The following PCDHA3 variants were observed in gnomAD, a reference collection of about 807,000 sequenced individuals.
PCDHA3 encodes protocadherin alpha 3.
PCDHA3 carries 41 observed loss-of-function variants against 62.2 expected under a neutral mutation model. That is an observed-to-expected ratio of 0.66 (90% confidence interval 0.51 to 0.86). PCDHA3 has a LOEUF of 0.86. PCDHA3 is among the 40% of genes least tolerant of loss of function. PCDHA3 has a pLI of 0.00. For missense variants in PCDHA3, 1,304 were observed against 1,241.2 expected, an observed-to-expected ratio of 1.05 and a Z score of -0.76; for synonymous variants, 640 against 555.4, an observed-to-expected ratio of 1.15 and a Z score of -2.14.
At chr5:140,841,732 C>A (rs1554138500) in intron 1 of PCDHA3, 4 of 1,613,740 alleles carry the variant, frequency 2.5e-6, no homozygotes, top group Non-Finnish European at 2.5e-6. Flanking sequence ...GGGTAAAAGA[C>A]CAAAAGCTGT....
chr5:140,933,999 C>T (rs1399268046), intron 1 of PCDHA3, among the ~76,000 whole-genome samples: 2 of 152,050 alleles, frequency 1.3e-5, no homozygotes, highest in South Asian at 2.1e-4. Context: ...TGTCACCTCT[C>T]ATTTTTCTTG....
At chr5:140,823,460 C>A in intron 1 of PCDHA3, 1 of 1,613,408 alleles carries the variant, frequency 6.2e-7, no homozygotes, top group Non-Finnish European at 8.5e-7. Context: ...GACAACGCGC[C>A]GGCGCTGCTG....
chr5:140,819,310 T>C (rs1766532133), intron 1 of PCDHA3, among the ~76,000 whole-genome samples: 1 of 152,190 alleles, frequency 6.6e-6, no homozygotes, highest in African/African-American at 2.4e-5. Flanking sequence ...AATTTTATTC[T>C]GGGTTTTGTA....
At chr5:140,899,983 T>C (rs1313036603) in intron 1 of PCDHA3, among the ~76,000 whole-genome samples, 5 of 151,754 alleles carry the variant, frequency 3.3e-5, no homozygotes, top group Non-Finnish European at 7.4e-5. Flanking sequence ...ACTTTTTTGA[T>C]TTTTTTTGTA....
intron 1 of PCDHA3, chr5:140,807,913 T>G (rs544486989): frequency 6.2e-7 from 1 of 1,614,158 alleles, no homozygotes; most frequent in East Asian, 2.2e-5. Context: ...CCCCAGCTTT[T>G]GACAGAACCA....
At position 141,011,371 on chromosome 5, in the gene PCDHA3, G is replaced by A. The variant is rs782444449; in HGVS notation, c.*1434G>A. 6.5e-6 allele frequency: 1 copy of A among 153,724 alleles called. No homozygotes were observed. The highest frequency in any genetic ancestry group is 1.5e-5 in the Non-Finnish European group (1 of 68,022). 9.5% of individuals were successfully genotyped at this position (153,724 alleles called of 1,614,324 possible). On this transcript the variant is annotated 3_prime_UTR_variant, in exon 4 of 4. Transcript: ENST00000522353. ...CTCCCATATGTATGCTGTATGCTAT[G>A]CTAAGACTCCTGAAATATACTTACT...
At chr5:140,871,122 G>A (rs782184692) in intron 1 of PCDHA3, 2 of 1,613,344 alleles carry the variant, frequency 1.2e-6, no homozygotes, top group South Asian at 2.2e-5. Flanking sequence ...AGAGCGGACA[G>A]GCGCCAAAGG....
chr5:140,826,226 T>G (rs1768854046), intron 1 of PCDHA3, among the ~76,000 whole-genome samples: 1 of 152,244 alleles, frequency 6.6e-6, no homozygotes, highest in Admixed American at 6.5e-5. Context: ...AGTTTTGTGA[T>G]ATAAACTATT....
chr5:140,961,760 A>G (rs1563318527), intron 1 of PCDHA3, among the ~76,000 whole-genome samples: 3 of 152,172 alleles, frequency 2.0e-5, no homozygotes. Context: ...TTTTGAAGGA[A>G]TTTATATCAA....
Position 140,898,798 on chromosome 5 carries a change from G to A in PCDHA3, c.2395-80151G>A, listed in dbSNP as rs1441416892. On this transcript the variant is annotated intron_variant, in intron 1 of 3. Coordinates refer to ENST00000522353, the MANE Select transcript of PCDHA3 (RefSeq NM_018906.3). The stretch of plus-strand genomic sequence containing the variant: ...CCTTGGGCAGTATGGCCATTTTCAC[G>A]ATACTGATTCTTCCTACCCATGAGC... Among the ~76,000 whole-genome samples the A allele has an allele frequency of 2.6e-4, 39 of 152,120 alleles. 1 individual carries two copies. Among genetic ancestry groups the A allele is most frequent in the African/African-American group, 7.2e-5 (3 of 41,414 alleles).
At chr5:140,808,780 G>T (rs782481333) in intron 1 of PCDHA3, 13 of 1,612,576 alleles carry the variant, frequency 8.1e-6, no homozygotes, top group East Asian at 2.2e-5. Flanking sequence ...TAGAGCTGCT[G>T]CAGTTTCAGG....
At chr5:140,975,022 G>A (rs2096650178) in intron 1 of PCDHA3, among the ~76,000 whole-genome samples, 2 of 152,188 alleles carry the variant, frequency 1.3e-5, no homozygotes, top group Admixed American at 1.3e-4. Context: ...GCTGGGCTGT[G>A]TTGTCCTTTG....
At chr5:140,971,487 C>T (rs1285006281) in intron 1 of PCDHA3, among the ~76,000 whole-genome samples, 1 of 152,110 alleles carries the variant, frequency 6.6e-6, no homozygotes, top group African/African-American at 2.4e-5. Flanking sequence ...CACATTGTTA[C>T]AGTGTGGCAA....
At chr5:140,812,199 AG>A (rs1349362619) in intron 1 of PCDHA3, 6 of 151,156 alleles carry the variant, frequency 4.0e-5, no homozygotes, top group Non-Finnish European at 7.4e-5. Context: ...TCTCCTTACT[AG>A]TTACAGCTTT....
intron 1 of PCDHA3, among the ~76,000 whole-genome samples, chr5:140,889,326 G>A (rs2062188363): frequency 6.6e-6 from 1 of 151,922 alleles, no homozygotes; most frequent in African/African-American, 2.4e-5. Flanking sequence ...TCTGTATCAG[G>A]ATTTTGATTG....
chr5:140,927,051 G>T, intron 1 of PCDHA3: 1 of 1,612,116 alleles, frequency 6.2e-7, no homozygotes, highest in South Asian at 1.1e-5. Flanking sequence ...TGTCCTCGCG[G>T]AACTTTCGCT....
chr5:140,911,036 G>A (rs2075296113), intron 1 of PCDHA3, among the ~76,000 whole-genome samples: 1 of 152,104 alleles, frequency 6.6e-6, no homozygotes, highest in African/African-American at 2.4e-5. Flanking sequence ...AGGTCTAGAA[G>A]CAAACAGGGG....
At chr5:140,868,200 T>G (rs1280989116) in intron 1 of PCDHA3, 4 of 152,156 alleles carry the variant, frequency 2.6e-5, no homozygotes, top group African/African-American at 9.6e-5. Flanking sequence ...ATGGCTTACA[T>G]TAGAAATAAT....
intron 1 of PCDHA3, chr5:140,861,513 T>C: frequency 2.1e-6 from 1 of 470,750 alleles, no homozygotes; most frequent in East Asian, 6.2e-5. Flanking sequence ...CGAGGAGCTG[T>C]GTGGGAGGAT....
Sources: gnomAD v4.1 joint callset for allele counts (sites outside exome capture counted in the v4.1 genomes callset) on GRCh38, gnomAD v4.1.1 for gene constraint, MANE v1.5 for transcripts, NCBI Gene and HGNC (gene_info 2026-07-23, HGNC 2026-07-21) for gene names.